CLYBL: variants seen among roughly 807,000 people sequenced by gnomAD.
CLYBL encodes citramalyl-CoA lyase, also known as citramalyl-CoA lyase, mitochondrial.
Under a neutral mutation model 38.9 loss-of-function variants are expected in CLYBL, and 31 were observed. That is an observed-to-expected ratio of 0.80 (90% confidence interval 0.60 to 1.08). CLYBL has a LOEUF of 1.08. Among genes scored for constraint, CLYBL ranks in the 50% least tolerant of loss-of-function variants. The pLI, the probability that CLYBL is intolerant of heterozygous loss-of-function variation, is 0.00. For synonymous variants in CLYBL, 171 were observed against 158.6 expected, an observed-to-expected ratio of 1.08 and a Z score of -0.59; for missense variants, 434 against 411.6, an observed-to-expected ratio of 1.05 and a Z score of -0.47.
chr13:99,716,478 G>A (rs1238585557), intron 1 of CLYBL, among the ~76,000 whole-genome samples: 1 of 150,052 alleles, frequency 6.7e-6, no homozygotes, highest in Admixed American at 6.7e-5. Context: ...CCGCCTCCCG[G>A]GTCCAAATGA....
Position 99,784,449 on chromosome 13 carries a change from C to CTCTTGTTTTTTTT in CLYBL, c.249+11440_249+11441insCTTGTTTTTTTTT, listed in dbSNP as rs71121010. Reference sequence around the variant, plus strand: ...TTCCTCTGCTTCTGGAAAATTCTCTCTTTTTTTTTTTTTTTTTTTTTTTGA... The same window carrying CTCTTGTTTTTTTT: ...TTCCTCTGCTTCTGGAAAATTCTCTCTCTTGTTTTTTTTTTTTTTTTTTTTTTTTTTTTTTTGA... On this transcript the variant is annotated intron_variant, in intron 2 of 8. Coordinates refer to ENST00000339105, the MANE Select transcript of CLYBL (RefSeq NM_206808.5). Among the ~76,000 whole-genome samples, 18 of 52,118 alleles carry CTCTTGTTTTTTTT rather than the reference C, an allele frequency of 3.5e-4. 1 individual carries two copies. The highest frequency in any genetic ancestry group is 5.5e-4 in the Admixed American group (2 of 3,618). The allele number at this position is 52,118 out of a possible 152,430, so 34.2% of individuals were successfully genotyped here.
intron 1 of CLYBL, among the ~76,000 whole-genome samples, chr13:99,684,035 A>ATTTTTTTTTTTTTTTTTTTTTTTT (rs778902077): frequency 1.2e-5 from 1 of 86,380 alleles, no homozygotes; most frequent in Non-Finnish European, 2.2e-5. Flanking sequence ...TGCCTGGCTA[A>ATTTTTTTTTTTTTTTTTTTTTTTT]TTTTTTTTTT....
At chr13:99,765,846 A>T (rs2049259042) in intron 1 of CLYBL, among the ~76,000 whole-genome samples, 1 of 144,700 alleles carries the variant, frequency 6.9e-6, no homozygotes. Context: ...CACCAAGTCG[A>T]GTCTTTTTTT....
At chr13:99,867,089 A>G (rs546168173) in intron 6 of CLYBL, among the ~76,000 whole-genome samples, 1 of 152,108 alleles carries the variant, frequency 6.6e-6, no homozygotes, top group South Asian at 2.1e-4. Flanking sequence ...ACAGAGATCT[A>G]TTTTTCGAAA....
At chr13:99,864,686 G>C (rs1374223690) in intron 4 of CLYBL, 132 bp from the exon 5 acceptor site, 4 of 669,902 alleles carry the variant, frequency 6.0e-6, no homozygotes, top group Non-Finnish European at 1.1e-5. Flanking sequence ...GTAAATTTGG[G>C]CTGCGTTTTT....
intron 2 of CLYBL, among the ~76,000 whole-genome samples, chr13:99,819,469 A>ATATATATAT (rs2050542673): frequency 1.4e-5 from 1 of 69,580 alleles, no homozygotes; most frequent in Non-Finnish European, 3.0e-5. Flanking sequence ...TATATATATA[A>ATATATATAT]TATTTGTCAG....
chr13:99,870,302 C>T (rs2051851018), intron 6 of CLYBL, among the ~76,000 whole-genome samples: 1 of 152,056 alleles, frequency 6.6e-6, no homozygotes, highest in South Asian at 2.1e-4. Context: ...TTTTACCATA[C>T]TGAATAAAAT....
chr13:99,659,022 T>A (rs972890573), intron 1 of CLYBL, among the ~76,000 whole-genome samples: 2 of 152,210 alleles, frequency 1.3e-5, no homozygotes, highest in Non-Finnish European at 2.9e-5. Context: ...AAAGAACTAG[T>A]TGCTTAGTAT....
chr13:99,819,337 T>G (rs1038083874), intron 2 of CLYBL, among the ~76,000 whole-genome samples: 1 of 145,118 alleles, frequency 6.9e-6, no homozygotes, highest in Non-Finnish European at 1.5e-5. Context: ...AGTGAAACCC[T>G]GTCTCAAAAA....
chr13:99,889,997 C>T (rs934592415), intron 7 of CLYBL, among the ~76,000 whole-genome samples: 3 of 152,120 alleles, frequency 2.0e-5, no homozygotes, highest in Admixed American at 1.3e-4. Context: ...GCCAACAGGT[C>T]GAAGCAGGGT....
intron 7 of CLYBL, among the ~76,000 whole-genome samples, chr13:99,884,189 A>G (rs116234802): frequency 0.021 from 3,148 of 152,242 alleles, 40 homozygotes; most frequent in African/African-American, 0.039. Context: ...GTCCTACCAG[A>G]GGCTCAGCAA....
intron 1 of CLYBL, among the ~76,000 whole-genome samples, chr13:99,699,386 CTAAA>C (rs908052758): frequency 5.3e-5 from 8 of 150,914 alleles, no homozygotes; most frequent in Non-Finnish European, 1.0e-4. Context: ...ACTCCGGTCT[CTAAA>C]TAAATAAATA....
At chr13:99,823,701 A>G (rs1157647840) in intron 2 of CLYBL, among the ~76,000 whole-genome samples, 4 of 152,116 alleles carry the variant, frequency 2.6e-5, no homozygotes, top group African/African-American at 9.7e-5. Context: ...CAGTTTGTTT[A>G]TCCATTCACC....
intron 1 of CLYBL, among the ~76,000 whole-genome samples, chr13:99,660,485 A>G (rs535490224): frequency 1.3e-5 from 2 of 152,274 alleles, no homozygotes; most frequent in African/African-American, 4.8e-5. Flanking sequence ...TATTGTGTTC[A>G]ATGCAGGGAT....
intron 2 of CLYBL, among the ~76,000 whole-genome samples, chr13:99,801,157 G>A (rs1256806408): frequency 6.6e-6 from 1 of 152,142 alleles, no homozygotes; most frequent in African/African-American, 2.4e-5. Context: ...CCCTCCACAC[G>A]TCCCTGTTGG....
intron 1 of CLYBL, among the ~76,000 whole-genome samples, chr13:99,674,118 C>T (rs188567395): frequency 4.1e-4 from 42 of 101,874 alleles, no homozygotes; most frequent in Non-Finnish European, 4.3e-4. Flanking sequence ...TACTAGAATT[C>T]GTTTTTTTTT....
chr13:99,825,637 C>T (rs1265950791), intron 2 of CLYBL, among the ~76,000 whole-genome samples: 1 of 152,182 alleles, frequency 6.6e-6, no homozygotes, highest in African/African-American at 2.4e-5. Context: ...TGGCTCAGTA[C>T]AGCACACTGG....
chr13:99,749,110 G>A (rs906688047), intron 1 of CLYBL, among the ~76,000 whole-genome samples: 7 of 151,890 alleles, frequency 4.6e-5, no homozygotes, highest in African/African-American at 1.7e-4. Context: ...AACCCTGGAA[G>A]TGGAGGTTGC....
chr13:99,697,658 TTTC>T (rs1209607741), intron 1 of CLYBL, among the ~76,000 whole-genome samples: 2 of 148,418 alleles, frequency 1.3e-5, no homozygotes, highest in African/African-American at 5.1e-5. Context: ...CCTTTCTTTC[TTTC>T]TTTTTTTTTT....
Sources: allele counts gnomAD v4.1 joint callset (sites outside exome capture counted in the v4.1 genomes callset), GRCh38; gene constraint gnomAD v4.1.1; transcripts MANE v1.5; gene names NCBI Gene and HGNC (gene_info 2026-07-23, HGNC 2026-07-21).